The following ALK variants were observed in gnomAD, a reference collection of about 807,000 sequenced individuals.
ALK encodes the protein ALK receptor tyrosine kinase, also known as ALK tyrosine kinase receptor.
A neutral mutation model predicts 163.1 loss-of-function variants in ALK; 74 were observed. The ratio of observed to expected loss-of-function variants is 0.45; its 90% CI spans 0.38 to 0.55. The LOEUF is 0.55. ALK is among the 20% of genes least tolerant of loss of function. The pLI is 0.00. For synonymous variants in ALK, 960 were observed against 843.2 expected, an observed-to-expected ratio of 1.14 and a Z score of -2.40; for missense variants, 2,063 against 2,105.3, an observed-to-expected ratio of 0.98 and a Z score of 0.39.
intron 9 of ALK, among the ~76,000 whole-genome samples, chr2:29,289,568 T>G (rs1665963769): frequency 6.6e-6 from 1 of 152,188 alleles, no homozygotes; most frequent in African/African-American, 2.4e-5. Context: ...GCACCTTTTA[T>G]TTTCTTCACT....
intron 11 of ALK, among the ~76,000 whole-genome samples, chr2:29,252,236 G>A (rs1042028682): frequency 2.1e-5 from 3 of 144,560 alleles, no homozygotes; most frequent in Non-Finnish European, 4.5e-5. Flanking sequence ...CAAACCTTGG[G>A]GAGTTGTCAG....
chr2:29,328,804 C>T (rs1169745318), intron 5 of ALK, among the ~76,000 whole-genome samples: 2 of 152,174 alleles, frequency 1.3e-5, no homozygotes, highest in Admixed American at 6.5e-5. Flanking sequence ...CTTTAGTGTG[C>T]CAAGTGGATG....
At chr2:29,695,906 A>G (rs1678544398) in intron 2 of ALK, among the ~76,000 whole-genome samples, 1 of 152,218 alleles carries the variant, frequency 6.6e-6, no homozygotes, top group African/African-American at 2.4e-5. Flanking sequence ...ATGCTTTTAC[A>G]CTGTTGGTGG....
intron 3 of ALK, among the ~76,000 whole-genome samples, chr2:29,631,726 T>G (rs1229241855): frequency 3.3e-5 from 5 of 152,246 alleles, no homozygotes; most frequent in Non-Finnish European, 7.3e-5. Flanking sequence ...TGCACTGAAC[T>G]TCACAGTTAA....
intron 1 of ALK, among the ~76,000 whole-genome samples, chr2:29,810,201 C>T (rs1158806718): frequency 6.6e-6 from 1 of 152,092 alleles, no homozygotes; most frequent in African/African-American, 2.4e-5. Context: ...GCGGGTGAAT[C>T]ACCTGAGGTC....
At chr2:29,565,112 G>GAC (rs1348719699) in intron 3 of ALK, among the ~76,000 whole-genome samples, 2 of 152,238 alleles carry the variant, frequency 1.3e-5, no homozygotes, top group Non-Finnish European at 2.9e-5. Context: ...AACTCTAGGT[G>GAC]ACAACGTGAT....
intron 4 of ALK, among the ~76,000 whole-genome samples, chr2:29,508,151 TC>T (rs985271905): frequency 6.6e-6 from 1 of 152,060 alleles, no homozygotes; most frequent in African/African-American, 2.4e-5. Context: ...TTTTCCACCG[TC>T]ACTGATCTGA....
At chr2:29,546,655 G>A (rs1216727457) in intron 3 of ALK, among the ~76,000 whole-genome samples, 1 of 152,098 alleles carries the variant, frequency 6.6e-6, no homozygotes, top group Non-Finnish European at 1.5e-5. Flanking sequence ...CTCTGGAATC[G>A]GATTGTTCAA....
At chr2:29,870,408 A>G (rs1435058185) in intron 1 of ALK, among the ~76,000 whole-genome samples, 1 of 152,108 alleles carries the variant, frequency 6.6e-6, no homozygotes, top group Non-Finnish European at 1.5e-5. Flanking sequence ...ACCAGATCTC[A>G]TAAGAACTCA....
intron 3 of ALK, among the ~76,000 whole-genome samples, chr2:29,620,233 G>A (rs1482480331): frequency 6.6e-6 from 1 of 152,124 alleles, no homozygotes. Context: ...CAAAATCAAG[G>A]TGGTGGTTCC....
chr2:29,821,048 C>T (rs1159452938), intron 1 of ALK, among the ~76,000 whole-genome samples: 1 of 152,158 alleles, frequency 6.6e-6, no homozygotes, highest in Non-Finnish European at 1.5e-5. Context: ...CGAGTGAGGG[C>T]GGGTGTCTGG....
chr2:29,854,862 A>C (rs748366844), intron 1 of ALK, among the ~76,000 whole-genome samples: 2 of 152,218 alleles, frequency 1.3e-5, no homozygotes, highest in Non-Finnish European at 2.9e-5. Context: ...ATGTGCGTGC[A>C]TACTTTCTTT....
At chr2:29,726,285 C>T (rs907380056) in intron 1 of ALK, among the ~76,000 whole-genome samples, 1 of 152,096 alleles carries the variant, frequency 6.6e-6, no homozygotes, top group Non-Finnish European at 1.5e-5. Flanking sequence ...TGATCTTAAG[C>T]CTATTTTCTC....
intron 3 of ALK, among the ~76,000 whole-genome samples, chr2:29,680,667 G>T (rs867184700): frequency 1.3e-5 from 2 of 151,838 alleles, no homozygotes; most frequent in East Asian, 1.9e-4. Context: ...TACTTTTAAG[G>T]TTTTATTTTC....
At chr2:29,539,411 C>T (rs1209541958) in intron 3 of ALK, among the ~76,000 whole-genome samples, 3 of 152,032 alleles carry the variant, frequency 2.0e-5, no homozygotes, top group South Asian at 2.1e-4. Context: ...GTTAAATTGT[C>T]GTGTGCCACA....
At chr2:29,863,175 A>G (rs1666339852) in intron 1 of ALK, among the ~76,000 whole-genome samples, 1 of 152,220 alleles carries the variant, frequency 6.6e-6, no homozygotes, top group Non-Finnish European at 1.5e-5. Context: ...AAGAAAACAT[A>G]GAGGAAAAGC....
chr2:29,234,796 G>A (rs1039995374), intron 13 of ALK, among the ~76,000 whole-genome samples: 2 of 152,182 alleles, frequency 1.3e-5, no homozygotes, highest in East Asian at 1.9e-4. Flanking sequence ...ATCTTACTCC[G>A]TGCAATGGCA....
chr2:29,293,393 A>C (rs1386377598), intron 9 of ALK, among the ~76,000 whole-genome samples: 1 of 152,206 alleles, frequency 6.6e-6, no homozygotes, highest in Non-Finnish European at 1.5e-5. Context: ...TATAAGACAC[A>C]CACAATCCCT....
rs574225588 is a variant in ALK at position 29,888,983 on chromosome 2, C to T, written c.667+31010G>A. Among the ~76,000 whole-genome samples the T allele has an allele frequency of 2.6e-5, 4 of 152,258 alleles. No homozygotes were observed. In the East Asian group the frequency reaches 7.7e-4, roughly 29 times the overall value. ...CTAAGGGGAATCCCAATGTATAAAA[C>T]CAACAAGAGTGAGTAGCTGTGACTG... On this transcript the variant is annotated intron_variant, in intron 1 of 28. Transcript: ENST00000389048.
Sources: allele counts gnomAD v4.1 joint callset (sites outside exome capture counted in the v4.1 genomes callset), GRCh38; gene constraint gnomAD v4.1.1; transcripts MANE v1.5; gene names NCBI Gene and HGNC (gene_info 2026-07-23, HGNC 2026-07-21).